Variants in IFT88 observed in about 807,000 individuals in gnomAD.
IFT88 encodes the protein intraflagellar transport 88.
IFT88 carries 74 observed loss-of-function variants against 119.5 expected under a neutral mutation model. The ratio of observed to expected loss-of-function variants is 0.62; its 90% CI spans 0.51 to 0.75. IFT88 has a LOEUF of 0.75. Ranked by LOEUF, IFT88 falls within the 30% of genes least tolerant of loss-of-function variation. The probability of loss-of-function intolerance (pLI) is 0.00; values close to 1 mark genes in which losing one functional copy is unlikely to be tolerated. For synonymous variants in IFT88, 279 were observed against 316.7 expected (o/e 0.88, Z 1.26); for missense variants, 961 against 977.7 (o/e 0.98, Z 0.23).
intron 22 of IFT88, among the ~76,000 whole-genome samples, chr13:20,658,976 C>G (rs1211448686): frequency 6.6e-6 from 1 of 152,094 alleles, no homozygotes; most frequent in East Asian, 1.9e-4. Flanking sequence ...ATTTAATTTT[C>G]AAAACAAATG....
chr13:20,599,151 G>T (rs1263288692), intron 10 of IFT88, among the ~76,000 whole-genome samples: 1 of 151,964 alleles, frequency 6.6e-6, no homozygotes, highest in African/African-American at 2.4e-5. Flanking sequence ...TGGCATTCTT[G>T]AGTCTAACTT....
intron 17 of IFT88, 32 bp downstream of exon 17, chr13:20,638,550 ATTAT>A (rs762852420): frequency 4.4e-5 from 58 of 1,329,486 alleles, no homozygotes; most frequent in Middle Eastern, 2.1e-4. Flanking sequence ...TGCTTTTTAA[ATTAT>A]TTATTTGCTT....
At chr13:20,581,016 C>A (rs1479159430) in intron 2 of IFT88, among the ~76,000 whole-genome samples, 1 of 152,112 alleles carries the variant, frequency 6.6e-6, no homozygotes, top group East Asian at 1.9e-4. Flanking sequence ...TGAGCCACCG[C>A]CCCGGCCTGA....
At chr13:20,677,756 G>A (rs1236558553) in intron 24 of IFT88, among the ~76,000 whole-genome samples, 1 of 152,152 alleles carries the variant, frequency 6.6e-6, no homozygotes, top group African/African-American at 2.4e-5. Context: ...CTTAAAAATA[G>A]AAGAGAGAGA....
chr13:20,591,765 T>G, intron 6 of IFT88, 84 bp downstream of exon 6: 1 of 872,952 alleles, frequency 1.1e-6, no homozygotes, highest in East Asian at 2.7e-5. Flanking sequence ...ACTGTCATTT[T>G]AAATAAAATC....
intron 13 of IFT88, among the ~76,000 whole-genome samples, chr13:20,613,954 TG>T (rs1954790544): frequency 4.1e-4 from 1 of 2,446 alleles, no homozygotes; most frequent in African/African-American, 9.5e-4. Context: ...TATAAAGATT[TG>T]CCAGGGAGTG....
At chr13:20,607,927 A>G in intron 13 of IFT88, 1 of 656,266 alleles carries the variant, frequency 1.5e-6, no homozygotes, top group Non-Finnish European at 2.9e-6. Flanking sequence ...CTTCCTCTAC[A>G]AGACCAAGTA....
rs111624189 is a variant in IFT88 at position 20,615,891 on chromosome 13, A to G, written c.1199+12A>G. 3,298 of 1,473,572 alleles carry G rather than the reference A, an allele frequency of 2.2e-3. 57 individuals are homozygous for G. In the African/African-American group the frequency reaches 0.041, roughly 18 times the overall value. The allele number at this position is 1,473,572 out of a possible 1,614,324, so 91.3% of individuals were successfully genotyped here. A position where few individuals can be genotyped will look rare whatever the true frequency, so the allele number is the denominator to read the frequency against. On this transcript the variant is annotated intron_variant, in intron 14 of 25. Coordinates refer to ENST00000351808, the MANE Select transcript of IFT88 (RefSeq NM_006531.5). ...GCAGGTTATGATTGGTAAGAGAGAA[A>G]GTCTATAATACTGCATAGATGTGGT...
intron 24 of IFT88, among the ~76,000 whole-genome samples, chr13:20,684,506 C>A (rs2057676781): frequency 6.6e-6 from 1 of 152,206 alleles, no homozygotes. Context: ...CAAGGTGGAA[C>A]AAACCACAAT....
At position 20,596,054 on chromosome 13, in the gene IFT88, GTAAAATAAAA is replaced by G. The variant is rs59556709; in HGVS notation, c.399-71_399-62del. On this transcript the variant is annotated intron_variant, in intron 7 of 25. Transcript: ENST00000351808. ...TGGGCAACCAAGTAAGACCTTGTCT[GTAAAATAAAA>G]TAAAATAAAATAAAATAAAATAAAT... 1.1e-3 allele frequency: 230 copies of G among 210,278 alleles called. 11 individuals are homozygous for G. The highest frequency in any genetic ancestry group is 2.8e-3 in the African/African-American group (113 of 40,596). The allele number at this position is 210,278 out of a possible 1,614,324, so 13.0% of individuals were successfully genotyped here. A position where few individuals can be genotyped will look rare whatever the true frequency, so the allele number is the denominator to read the frequency against.
intron 9 of IFT88, among the ~76,000 whole-genome samples, chr13:20,597,974 A>C (rs2042032693): frequency 2.6e-5 from 4 of 152,006 alleles, no homozygotes; most frequent in African/African-American, 9.7e-5. Flanking sequence ...TAATGCCTCT[A>C]ATTTCTAGCA....
intron 23 of IFT88, among the ~76,000 whole-genome samples, chr13:20,665,770 T>A (rs1012824268): frequency 1.3e-5 from 2 of 152,246 alleles, no homozygotes; most frequent in African/African-American, 4.8e-5. Context: ...TTGGCCCTGG[T>A]GCCTGAGGCA....
chr13:20,582,630 C>T (rs1158866760), intron 2 of IFT88, among the ~76,000 whole-genome samples: 3 of 151,948 alleles, frequency 2.0e-5, no homozygotes, highest in Non-Finnish European at 4.4e-5. Context: ...AATTCCAAGC[C>T]ACCAGGAAAA....
chr13:20,590,916 T>G (rs770712511), intron 4 of IFT88, 51 bp from the exon 5 acceptor site: 1 of 1,312,518 alleles, frequency 7.6e-7, no homozygotes, highest in Admixed American at 2.0e-5. Context: ...TTTAAACATT[T>G]AAGGCAGATA....
intron 15 of IFT88, among the ~76,000 whole-genome samples, chr13:20,628,034 G>T (rs925910976): frequency 3.3e-5 from 5 of 151,986 alleles, no homozygotes; most frequent in Non-Finnish European, 1.5e-5. Flanking sequence ...TATGAGGTAG[G>T]TATAATACAA....
chr13:20,579,255 G>T (rs1274194052), intron 2 of IFT88, among the ~76,000 whole-genome samples: 2 of 152,140 alleles, frequency 1.3e-5, no homozygotes, highest in Non-Finnish European at 2.9e-5. Flanking sequence ...CTGGGCCCTG[G>T]GTGGGTCCAG....
At chr13:20,574,074 C>A (rs1000129202) in intron 1 of IFT88, among the ~76,000 whole-genome samples, 2 of 152,136 alleles carry the variant, frequency 1.3e-5, no homozygotes, top group African/African-American at 4.8e-5. Flanking sequence ...TGCTGGTAAT[C>A]CCAGCATTTT....
intron 24 of IFT88, among the ~76,000 whole-genome samples, chr13:20,676,143 A>C (rs959752164): frequency 6.6e-6 from 1 of 152,204 alleles, no homozygotes. Flanking sequence ...TCAACAGAAC[A>C]TGCTCCTTAA....
intron 17 of IFT88, among the ~76,000 whole-genome samples, chr13:20,640,878 GCTCA>G (rs2049829660): frequency 6.6e-6 from 1 of 152,156 alleles, no homozygotes; most frequent in African/African-American, 2.4e-5. Context: ...GGGTGTGGTG[GCTCA>G]TACCTGTAAT....
Sources: allele counts gnomAD v4.1 joint callset (sites outside exome capture counted in the v4.1 genomes callset), GRCh38; gene constraint gnomAD v4.1.1; transcripts MANE v1.5; gene names NCBI Gene and HGNC (gene_info 2026-07-23, HGNC 2026-07-21).